MAMDC2: variants seen among roughly 807,000 people sequenced by gnomAD.
MAMDC2 encodes the protein MAM domain-containing protein 2.
Under a neutral mutation model 89.8 loss-of-function variants are expected in MAMDC2, and 57 were observed. That is an observed-to-expected ratio of 0.63 (90% CI 0.51 to 0.79). The LOEUF (loss-of-function observed/expected upper bound fraction) is 0.79, where lower values mean the gene tolerates loss of function less well. Ranked by LOEUF, MAMDC2 falls within the 30% of genes least tolerant of loss-of-function variation. The pLI, the probability that MAMDC2 is intolerant of heterozygous loss-of-function variation, is 0.00. For synonymous variants in MAMDC2, 313 were observed against 293.4 expected (o/e 1.07, Z -0.68); for missense variants, 800 against 820.6 (o/e 0.97, Z 0.31).
chr9:70,047,922 G>A (rs981979848), intron 2 of MAMDC2, among the ~76,000 whole-genome samples: 5 of 152,168 alleles, frequency 3.3e-5, no homozygotes. Flanking sequence ...ATTACAGTTC[G>A]AGTGTCTCTA....
intron 11 of MAMDC2, among the ~76,000 whole-genome samples, chr9:70,211,207 T>A (rs570578549): frequency 4.6e-4 from 70 of 152,362 alleles, no homozygotes; most frequent in African/African-American, 1.6e-3. Flanking sequence ...CTGGATAATA[T>A]CCTGAAGACT....
At chr9:70,210,207 G>A (rs191225103) in intron 11 of MAMDC2, among the ~76,000 whole-genome samples, 20 of 152,208 alleles carry the variant, frequency 1.3e-4, no homozygotes, top group Admixed American at 5.9e-4. Flanking sequence ...TTTCTGTCTC[G>A]TTGATCTGTC....
chr9:70,122,261 A>C (rs1312569300), intron 5 of MAMDC2, among the ~76,000 whole-genome samples: 1 of 152,188 alleles, frequency 6.6e-6, no homozygotes, highest in Non-Finnish European at 1.5e-5. Flanking sequence ...CTTTGGGCAG[A>C]TCATGTTGTG....
At chr9:70,166,158 T>C (rs774173113) in intron 9 of MAMDC2, among the ~76,000 whole-genome samples, 1 of 151,838 alleles carries the variant, frequency 6.6e-6, no homozygotes. Context: ...GGAGAATTGC[T>C]TGAATCCAGG....
chr9:70,185,283 G>A (rs1300196694), intron 11 of MAMDC2, among the ~76,000 whole-genome samples: 1 of 152,180 alleles, frequency 6.6e-6, no homozygotes, highest in African/African-American at 2.4e-5. Flanking sequence ...CCTGCCAGAT[G>A]CCAGCCAGAG....
At chr9:70,079,140 C>T (rs1055509731) in intron 2 of MAMDC2, 2 of 152,252 alleles carry the variant, frequency 1.3e-5, no homozygotes, top group Admixed American at 6.5e-5. Context: ...GGGTCACCAA[C>T]TCCTGGCCTC....
At chr9:70,156,819 GT>G (rs2031780311) in intron 9 of MAMDC2, among the ~76,000 whole-genome samples, 2 of 152,112 alleles carry the variant, frequency 1.3e-5, no homozygotes, top group Admixed American at 1.3e-4. Flanking sequence ...AGATACTCTT[GT>G]TTTCCTTCTG....
At chr9:70,148,281 CT>C (rs1255102385) in intron 9 of MAMDC2, among the ~76,000 whole-genome samples, 1 of 150,084 alleles carries the variant, frequency 6.7e-6, no homozygotes, top group Non-Finnish European at 1.5e-5. Context: ...GAGAATCCTT[CT>C]CTGACCCCAC....
chr9:70,191,622 A>G (rs2032882596), intron 11 of MAMDC2, among the ~76,000 whole-genome samples: 1 of 152,114 alleles, frequency 6.6e-6, no homozygotes, highest in Non-Finnish European at 1.5e-5. Flanking sequence ...CCAGTAGACA[A>G]CTAGAATAGA....
chr9:70,130,039 TGTGTGTGA>T (rs1397786703), intron 6 of MAMDC2, among the ~76,000 whole-genome samples: 2 of 151,488 alleles, frequency 1.3e-5, no homozygotes, highest in African/African-American at 4.9e-5. Context: ...TGTGTGTGTG[TGTGTGTGA>T]GAGTGTCTGC....
At chr9:70,200,891 T>C (rs1303848866) in intron 11 of MAMDC2, among the ~76,000 whole-genome samples, 40 of 117,294 alleles carry the variant, frequency 3.4e-4, no homozygotes, top group Non-Finnish European at 5.9e-4. Context: ...GTGATTTTTG[T>C]ACATTGATTT....
rs569190288 is a variant in MAMDC2, at chr9:70,189,958, TTAA to T, written c.1651+19329_1651+19331del. Among the ~76,000 whole-genome samples the T allele has an allele frequency of 3.5e-3, 536 of 152,284 alleles. 6 individuals are homozygous for T. Among genetic ancestry groups the T allele is most frequent in the African/African-American group, 0.012 (512 of 41,574 alleles). ...TTCTTACTTATAATTTGTAGTATTA[TTAA>T]TGATACTCTCTATGCATTGAGTCAT... On this transcript the variant is annotated intron_variant, in intron 11 of 13. Coordinates refer to ENST00000377182, the MANE Select transcript of MAMDC2 (RefSeq NM_153267.5).
rs896247185 is a variant in MAMDC2 at position 70,043,934 on chromosome 9, C to T, written c.-264C>T. 6 of 582,566 alleles carry T rather than the reference C, an allele frequency of 1.0e-5. No homozygotes were observed. Among genetic ancestry groups the T allele is most frequent in the Non-Finnish European group, 1.8e-5 (6 of 327,190 alleles). 36.1% of individuals were successfully genotyped at this position (582,566 alleles called of 1,614,324 possible). On this transcript the variant is annotated 5_prime_UTR_variant, in exon 1 of 14. Coordinates refer to ENST00000377182, the MANE Select transcript of MAMDC2 (RefSeq NM_153267.5). Reference sequence around the variant, plus strand: ...GTCCAGCCCCATCGTCGCCCAGGACCAGCTGGGCCGCGGTCTGACCTGAGG... The same window carrying T: ...GTCCAGCCCCATCGTCGCCCAGGACTAGCTGGGCCGCGGTCTGACCTGAGG...
chr9:70,184,255 T>C (rs2032702452), intron 11 of MAMDC2, among the ~76,000 whole-genome samples: 1 of 152,196 alleles, frequency 6.6e-6, no homozygotes, highest in African/African-American at 2.4e-5. Context: ...GATCCACTGT[T>C]AGTCTGATGG....
At chr9:70,209,204 T>G (rs2033297809) in intron 11 of MAMDC2, among the ~76,000 whole-genome samples, 2 of 152,148 alleles carry the variant, frequency 1.3e-5, no homozygotes, top group Admixed American at 6.6e-5. Flanking sequence ...CAGAAGGAAT[T>G]GTACCAGCTC....
chr9:70,054,524 G>A (rs1587428002), intron 2 of MAMDC2, among the ~76,000 whole-genome samples: 1 of 152,148 alleles, frequency 6.6e-6, no homozygotes, highest in Non-Finnish European at 1.5e-5. Context: ...AAGTTTAGAT[G>A]TGAGAAGAAA....
chr9:70,047,588 T>C (rs1826784306), intron 2 of MAMDC2, among the ~76,000 whole-genome samples: 1 of 152,150 alleles, frequency 6.6e-6, no homozygotes, highest in South Asian at 2.1e-4. Context: ...ACATTTTCTT[T>C]ATCCAGTCTA....
chr9:70,144,879 C>T (rs2031347877), intron 9 of MAMDC2, among the ~76,000 whole-genome samples: 1 of 152,188 alleles, frequency 6.6e-6, no homozygotes, highest in South Asian at 2.1e-4. Flanking sequence ...CCAAAGAAAT[C>T]TAGTACACCA....
intron 11 of MAMDC2, among the ~76,000 whole-genome samples, chr9:70,179,873 C>CTTTTTTTT (rs5898124): frequency 2.9e-4 from 39 of 135,806 alleles, no homozygotes; most frequent in Non-Finnish European, 3.8e-4. Context: ...TAAAATATTC[C>CTTTTTTTT]TTTTTTTTTT....
Sources: allele counts gnomAD v4.1 joint callset (sites outside exome capture counted in the v4.1 genomes callset), GRCh38; gene constraint gnomAD v4.1.1; transcripts MANE v1.5; gene names NCBI Gene and HGNC (gene_info 2026-07-23, HGNC 2026-07-21).